The following RHOBTB1 variants were observed in gnomAD, a reference collection of about 807,000 sequenced individuals.
The protein encoded by RHOBTB1 is Rho related BTB domain containing 1, also known as rho-related BTB domain-containing protein 1.
A neutral mutation model predicts 71.6 loss-of-function variants in RHOBTB1; 40 were observed. The ratio of observed to expected loss-of-function variants is 0.56; its 90% CI spans 0.43 to 0.73. RHOBTB1 has a LOEUF of 0.73. Ranked by LOEUF, RHOBTB1 falls within the 30% of genes least tolerant of loss-of-function variation. RHOBTB1 has a pLI of 0.00. For missense variants in RHOBTB1, 797 were observed against 894.0 expected (o/e 0.89, Z 1.38); for synonymous variants, 319 against 334.9 (o/e 0.95, Z 0.52).
intron 2 of RHOBTB1, among the ~76,000 whole-genome samples, chr10:60,962,540 G>C (rs2085819015): frequency 1.3e-5 from 2 of 152,036 alleles, no homozygotes; most frequent in South Asian, 4.1e-4. Context: ...GCTTTTTAGG[G>C]AAATTTCCAT....
At chr10:60,982,552 C>T (rs1360221427) in intron 2 of RHOBTB1, among the ~76,000 whole-genome samples, 1 of 152,124 alleles carries the variant, frequency 6.6e-6, no homozygotes, top group Non-Finnish European at 1.5e-5. Flanking sequence ...TATTAGCAAG[C>T]ATCCTTGGCC....
intron 1 of RHOBTB1, among the ~76,000 whole-genome samples, chr10:60,992,424 C>T (rs565676668): frequency 2.6e-5 from 4 of 152,126 alleles, no homozygotes; most frequent in African/African-American, 7.2e-5. Context: ...AGGACAAAGT[C>T]CACAGACATG....
intron 2 of RHOBTB1, among the ~76,000 whole-genome samples, chr10:60,979,611 T>C (rs1240303630): frequency 6.6e-6 from 1 of 152,132 alleles, no homozygotes; most frequent in Non-Finnish European, 1.5e-5. Flanking sequence ...GAGTACATGG[T>C]TGGGATACAC....
chr10:60,889,075 T>C lies in RHOBTB1; in HGVS notation c.593A>G (p.Asp198Gly). The change falls in exon 6 of 11, where the codon GAT becomes GGT. Residue 198 changes from aspartate to glycine, a missense_variant. Around this residue, in one of 2 missense-constraint regions of RHOBTB1, gnomAD observed 658 missense variants for 681.5 expected, o/e 0.97. Coordinates refer to ENST00000337910, the MANE Select transcript of RHOBTB1 (RefSeq NM_014836.5). ...TGCTCGGATTGCATTGTCAAACACA[T>C]CCTTGATACCAAACTGGTCAAACAC... ...TSVFDQFGIK[D>G]VFDNAIRAAL... is the part of the protein sequence containing the mutation. The C allele has an allele frequency of 4.3e-6, 7 of 1,614,162 alleles. No homozygotes were observed. Among genetic ancestry groups the C allele is most frequent in the Non-Finnish European group, 5.9e-6 (7 of 1,180,024 alleles).
At chr10:60,873,383 A>G (rs1300387747) in intron 9 of RHOBTB1, among the ~76,000 whole-genome samples, 5 of 152,228 alleles carry the variant, frequency 3.3e-5, no homozygotes, top group Non-Finnish European at 7.3e-5. Context: ...CTTGCCCTCA[A>G]GCTGACTGTT....
At chr10:60,901,885 C>T (rs1403541707) in intron 4 of RHOBTB1, among the ~76,000 whole-genome samples, 1 of 152,228 alleles carries the variant, frequency 6.6e-6, no homozygotes, top group African/African-American at 2.4e-5. Context: ...CCTGTGGACT[C>T]TCTTGGGCCC....
chr10:60,973,723 A>C (rs1030066531), intron 2 of RHOBTB1, among the ~76,000 whole-genome samples: 11 of 151,914 alleles, frequency 7.2e-5, no homozygotes, highest in Admixed American at 1.3e-4. Flanking sequence ...AAAATCAAGA[A>C]TAAGCAAAAT....
chr10:60,954,994 G>T (rs1375593572), intron 2 of RHOBTB1, among the ~76,000 whole-genome samples: 3 of 149,618 alleles, frequency 2.0e-5, no homozygotes, highest in Non-Finnish European at 4.4e-5. Flanking sequence ...AGTCCACTTT[G>T]AGCTACCCAT....
chr10:60,900,939 C>T (rs57517818), intron 4 of RHOBTB1, among the ~76,000 whole-genome samples: 1 of 152,104 alleles, frequency 6.6e-6, no homozygotes, highest in Non-Finnish European at 1.5e-5. Flanking sequence ...TTCATAACAT[C>T]AGAATAATAA....
At chr10:60,910,865 C>G in intron 4 of RHOBTB1, 22 bp downstream of exon 4, 1 of 1,565,942 alleles carries the variant, frequency 6.4e-7, no homozygotes, top group Non-Finnish European at 8.8e-7. Flanking sequence ...AGCTCAACCA[C>G]GCTGTACTAG....
In RHOBTB1 at chr10:60,888,245, T is replaced by A; in HGVS notation, c.1423A>T (p.Ile475Leu). The change falls in exon 6 of 11, where the codon ATA becomes TTA. Residue 475 changes from isoleucine to leucine, a missense_variant. Transcript: ENST00000337910. ...GTTCCCTTGCTGAGACACTCTTTTA[T>A]CCGATTGGCTTTCCTTACGTGAAAG... Reference protein sequence around the residue: ...KAFHVRKANRIKECLSKGTFS... With the variant: ...KAFHVRKANRLKECLSKGTFS... 1.2e-6 allele frequency: 2 copies of A among 1,614,094 alleles called. No homozygotes were observed. Among genetic ancestry groups the A allele is most frequent in the Non-Finnish European group, 1.7e-6 (2 of 1,179,994 alleles).
chr10:60,929,276 A>T (rs1442770320), intron 2 of RHOBTB1, among the ~76,000 whole-genome samples: 2 of 152,204 alleles, frequency 1.3e-5, no homozygotes, highest in Non-Finnish European at 2.9e-5. Flanking sequence ...TACCCCATAA[A>T]TATGTACAAC....
intron 1 of RHOBTB1, 47 bp from the exon 2 acceptor site, chr10:60,941,901 A>G (rs543509375): frequency 6.6e-6 from 1 of 152,274 alleles, no homozygotes; most frequent in Non-Finnish European, 1.5e-5. Flanking sequence ...GCCTGCCAGG[A>G]GTACATGGGG....
Position 60,943,160 on chromosome 10 carries a change from C to T in RHOBTB1, c.-62+811G>A, listed in dbSNP as rs550335341. ...ACAGCTTGTGTGCTAACGTGCAAAGCGAAGTCAAAACCCTGTGCTTGGCGC... is the reference window on the plus strand; with the variant it reads ...ACAGCTTGTGTGCTAACGTGCAAAGTGAAGTCAAAACCCTGTGCTTGGCGC... On this transcript the variant is annotated intron_variant, in intron 1 of 10. Transcript: ENST00000337910. 2.0e-5 allele frequency among the ~76,000 whole-genome samples: 3 copies of T among 152,326 alleles called. No individual in the cohort carries two copies. The East Asian group carries it at 5.8e-4, about 29-fold the overall frequency.
chr10:60,873,032 C>T (rs938426845), intron 9 of RHOBTB1, among the ~76,000 whole-genome samples: 4 of 152,116 alleles, frequency 2.6e-5, no homozygotes, highest in Admixed American at 1.3e-4. Flanking sequence ...AGGTGGATCC[C>T]TAGAACCTAC....
chr10:60,902,785 C>A (rs974437920), intron 4 of RHOBTB1, among the ~76,000 whole-genome samples: 8 of 152,152 alleles, frequency 5.3e-5, no homozygotes, highest in African/African-American at 1.7e-4. Context: ...TAAAATTCAA[C>A]TTAGTAAAAT....
chr10:60,888,813 G>A lies in RHOBTB1; in HGVS notation c.855C>T (p.Leu285=), dbSNP rs750986518. The change falls in exon 6 of 11, where the codon CTC becomes CTT. Residue 285 remains leucine, a synonymous_variant. Transcript: ENST00000337910. ...CATAAAATTTGGAAGAAGAGGTAGC[G>A]AGGTAAATTCGATGTGCAAAGATGT... ...QEHIFAHRIY[L]ATSSSKFYDL... The A allele has an allele frequency of 1.7e-5, 28 of 1,614,092 alleles. No homozygotes were observed. In the Admixed American group the frequency reaches 2.7e-4, roughly 15 times the overall value.
At chr10:60,954,473 A>G (rs1000074077) in intron 2 of RHOBTB1, among the ~76,000 whole-genome samples, 3 of 152,160 alleles carry the variant, frequency 2.0e-5, no homozygotes, top group African/African-American at 4.8e-5. Context: ...CAGTTTTATT[A>G]TTTACTCACT....
In RHOBTB1 at chr10:60,986,425, AT is replaced by A. The variant is rs1291889394; in HGVS notation, c.-162-481del. ...AAAAGATATATATATATATATATATATATATAAAATATATATAGGCCATATA... is the reference window on the plus strand; with the variant it reads ...AAAAGATATATATATATATATATATAATATAAAATATATATAGGCCATATA... On this transcript the variant is annotated intron_variant, in intron 1 of 11. Coordinates refer to the RHOBTB1 transcript ENST00000357917. 3.9e-4 allele frequency among the ~76,000 whole-genome samples: 56 copies of A among 145,038 alleles called. 3 individuals carry two copies. Among genetic ancestry groups the A allele is most frequent in the Non-Finnish European group, 4.4e-4 (29 of 66,388 alleles).
Sources: gnomAD v4.1 joint callset for allele counts (sites outside exome capture counted in the v4.1 genomes callset) on GRCh38, gnomAD v4.1.1 for gene constraint, gnomAD v4.1.1 regional missense constraint, MANE v1.5 for transcripts, NCBI Gene and HGNC (gene_info 2026-07-23, HGNC 2026-07-21) for gene names.